GLB1L2: variants seen among roughly 807,000 people sequenced by gnomAD.
GLB1L2 encodes the protein beta-galactosidase-1-like protein 2.
GLB1L2 carries 68 observed loss-of-function variants against 84.1 expected under a neutral mutation model. The ratio of observed to expected loss-of-function variants is 0.81; its 90% CI spans 0.67 to 0.99. GLB1L2 has a LOEUF of 0.99. Ranked by LOEUF, GLB1L2 falls within the 50% of genes least tolerant of loss-of-function variation. The pLI is 0.00. For synonymous variants in GLB1L2, 290 were observed against 318.0 expected (o/e 0.91, Z 0.94); for missense variants, 762 against 805.6 (o/e 0.95, Z 0.66).
At chr11:134,373,905 C>T in intron 16 of GLB1L2, 97 bp downstream of exon 16, 1 of 915,388 alleles carries the variant, frequency 1.1e-6, no homozygotes, top group Non-Finnish European at 1.7e-6. Context: ...GGCCCGCACC[C>T]AGGTGTGAAC....
At chr11:134,361,167 AC>A (rs1682218350) in intron 7 of GLB1L2, 1 of 151,718 alleles carries the variant, frequency 6.6e-6, no homozygotes, top group African/African-American at 2.4e-5. Flanking sequence ...AAAACAAAAA[AC>A]AAAAAACATT....
chr11:134,340,342 T>C (rs1432965140), intron 1 of GLB1L2, among the ~76,000 whole-genome samples: 1 of 152,142 alleles, frequency 6.6e-6, no homozygotes, highest in African/African-American at 2.4e-5. Context: ...AAAATGCCCC[T>C]GTTTTTAAGA....
rs200368427 is a variant in GLB1L2, at chr11:134,347,329, C to T, written c.454C>T (p.Leu152=). Residue 152 remains leucine, a synonymous_variant, in exon 5 of 19, where the codon CTA becomes TTA. Coordinates refer to ENST00000535456, the MANE Select transcript of GLB1L2 (RefSeq NM_001370461.1). ...EMDLGGLPSW[L]LQDPGMRLRT... ...TTCCCCCGTTTACACTTCAAGCTGG[C>T]TACTCCAAGACCCTGGCATGAGGCT... The T allele has an allele frequency of 3.3e-5, 54 of 1,613,014 alleles. No individual in the cohort carries two copies. Among genetic ancestry groups the T allele is most frequent in the South Asian group, 2.3e-4 (21 of 91,038 alleles).
rs539605151 is a variant in GLB1L2, at chr11:134,368,658, G to A, written c.904G>A (p.Val302Met). 3.0e-5 allele frequency: 49 copies of A among 1,613,804 alleles called. No individual in the cohort carries two copies. The highest frequency in any genetic ancestry group is 1.8e-4 in the Admixed American group (11 of 60,016). Residue 302 changes from valine to methionine, a missense_variant, in exon 10 of 19, where the codon GTG becomes ATG. Val to Met is a conservative substitution (Grantham distance 21). Transcript: ENST00000535456. The stretch of plus-strand genomic sequence containing the variant: ...TCCTCCGGCAGAGGTTTTGAAAACC[G>A]TGTCTGCCATTGTGGACGCCGGCTC... ...ILDSSEVLKT[V>M]SAIVDAGSSI...
Position 134,374,164 on chromosome 11 carries a change from A to C in GLB1L2, c.1615A>C (p.Ser539Arg), listed in dbSNP as rs1436359845. Residue 539 changes from serine to arginine, a missense_variant, in exon 17 of 19, where the codon AGT becomes CGT. Ser to Arg is a moderately radical substitution (Grantham distance 110). Transcript: ENST00000535456. Reference sequence around the variant, plus strand: ...CCTTAGGTTCGGCCTGGACAAATGGAGTTCCCTCCCAGAAACACCCACATT... The same window carrying C: ...CCTTAGGTTCGGCCTGGACAAATGGCGTTCCCTCCCAGAAACACCCACATT... ...FFQRFGLDKW[S>R]SLPETPTLPA... The C allele has an allele frequency of 2.4e-5, 39 of 1,613,610 alleles. No homozygotes were observed. Among genetic ancestry groups the C allele is most frequent in the Non-Finnish European group, 3.2e-5 (38 of 1,179,642 alleles).
chr11:134,343,114 C>T (rs1395960988), intron 2 of GLB1L2, among the ~76,000 whole-genome samples, 163 bp downstream of exon 2: 1 of 152,166 alleles, frequency 6.6e-6, no homozygotes, highest in East Asian at 1.9e-4. Flanking sequence ...CTCATGGGCG[C>T]CAAGGGACAT....
Position 134,374,842 on chromosome 11 carries a change from G to A in GLB1L2, c.1824+124G>A, listed in dbSNP as rs542418326. 367 of 1,156,082 alleles carry A rather than the reference G, an allele frequency of 3.2e-4. 4 individuals carry two copies. The South Asian group carries it at 4.5e-3, about 14-fold the overall frequency. 71.6% of individuals were successfully genotyped at this position (1,156,082 alleles called of 1,614,324 possible). A position where few individuals can be genotyped will look rare whatever the true frequency, so the allele number is the denominator to read the frequency against. ...TTCCTCCCTCCTCCTCGCTGCAGAC[G>A]AGTTGTTGGTCCCTGTCCCTTCCAG... is the stretch of plus-strand genomic sequence containing the variant. On this transcript the variant is annotated intron_variant, in intron 18 of 18. Transcript: ENST00000535456.
rs1943936225 is a variant in GLB1L2 at position 134,370,471 on chromosome 11, G to A, written c.1215+72G>A. 1 of 1,214,438 alleles carries A rather than the reference G, an allele frequency of 8.2e-7. No individual in the cohort carries two copies. Among genetic ancestry groups the A allele is most frequent in the Non-Finnish European group, 1.2e-6 (1 of 827,422 alleles). 75.2% of individuals were successfully genotyped at this position (1,214,438 alleles called of 1,614,324 possible). A position where few individuals can be genotyped will look rare whatever the true frequency, so the allele number is the denominator to read the frequency against. ...AGTCGTTGGCAGGGAGGTGAGTGCT[G>A]GGGGCAGTCGTCGGCGGGAGGTGAG... On this transcript the variant is annotated intron_variant, in intron 12 of 18. Coordinates refer to ENST00000535456, the MANE Select transcript of GLB1L2 (RefSeq NM_001370461.1). This position sits in a 1 kb window ranked among gnomAD's most constrained non-coding sequence, Gnocchi z 4.7.
chr11:134,332,001 C>G lies in GLB1L2; in HGVS notation c.-61C>G. ...GCTCCGCCCCCCGCGGCGAGGCTCC[C>G]GCGCGCGGCTGAGTGCGGACTGGAG... On this transcript the variant is annotated 5_prime_UTR_variant, in exon 1 of 19. Coordinates refer to ENST00000535456, the MANE Select transcript of GLB1L2 (RefSeq NM_001370461.1). The G allele has an allele frequency of 1.6e-6, 2 of 1,219,276 alleles. No homozygotes were observed. The highest frequency in any genetic ancestry group is 2.3e-6 in the Non-Finnish European group (2 of 882,690). 75.5% of individuals were successfully genotyped at this position (1,219,276 alleles called of 1,614,324 possible).
rs73030640 is a variant in GLB1L2 at position 134,367,703 on chromosome 11, A to G, written c.889+362A>G. ...TATCTCTGCCGACAGCTCTATACGC[A>G]CACACAGATAGAGACAGATGCCATC... On this transcript the variant is annotated intron_variant, in intron 9 of 18. Coordinates refer to ENST00000535456, the MANE Select transcript of GLB1L2 (RefSeq NM_001370461.1). Among the ~76,000 whole-genome samples, 204 of 152,310 alleles carry G rather than the reference A, an allele frequency of 1.3e-3. 1 individual carries two copies. The highest frequency in any genetic ancestry group is 2.3e-3 in the Non-Finnish European group (159 of 68,024).
At chr11:134,351,582 T>C (rs1307014243) in intron 5 of GLB1L2, among the ~76,000 whole-genome samples, 1 of 152,126 alleles carries the variant, frequency 6.6e-6, no homozygotes, top group African/African-American at 2.4e-5. Context: ...TGACCTCAGG[T>C]GATCCACCTG....
intron 5 of GLB1L2, among the ~76,000 whole-genome samples, chr11:134,350,297 A>G (rs760588157): frequency 2.0e-5 from 3 of 152,198 alleles, no homozygotes; most frequent in Non-Finnish European, 2.9e-5. Context: ...TCAAGTTCCA[A>G]TCACTAGGGT....
chr11:134,364,286 G>T (rs1251755258), intron 7 of GLB1L2, 42 bp from the exon 8 acceptor site: 1 of 1,541,744 alleles, frequency 6.5e-7, no homozygotes, highest in Non-Finnish European at 8.9e-7. Flanking sequence ...CCCTGGCTTT[G>T]AGACAGTGCT....
chr11:134,345,766 G>A lies in GLB1L2; in HGVS notation c.449+637G>A, dbSNP rs375560143. Among the ~76,000 whole-genome samples the A allele has an allele frequency of 8.7e-4, 132 of 152,312 alleles. 1 individual carries two copies. The highest frequency in any genetic ancestry group is 3.0e-3 in the African/African-American group (123 of 41,568). On this transcript the variant is annotated intron_variant, in intron 4 of 18. Transcript: ENST00000535456. ...TTACAGGCATGAGCCACCGCGCCCG[G>A]CCTTCCCTATCTCTTTCTTAGGAAT...
At chr11:134,371,542 G>A (rs1331989826) in intron 14 of GLB1L2, 50 bp downstream of exon 14, 1 of 1,176,474 alleles carries the variant, frequency 8.5e-7, no homozygotes, top group Admixed American at 1.7e-5. Flanking sequence ...CTGCTTCGAG[G>A]AAGTCTGGGG....
At chr11:134,357,951 TAA>T (rs1943727053) in intron 6 of GLB1L2, among the ~76,000 whole-genome samples, 1 of 152,204 alleles carries the variant, frequency 6.6e-6, no homozygotes, top group African/African-American at 2.4e-5. Flanking sequence ...AAATGCTTGC[TAA>T]ATATCAGTGA....
In GLB1L2 at chr11:134,345,144, G is replaced by A; in HGVS notation, c.449+15G>A. 1 of 1,444,560 alleles carries A rather than the reference G, an allele frequency of 6.9e-7. No individual in the cohort carries two copies. The highest frequency in any genetic ancestry group is 9.5e-7 in the Non-Finnish European group (1 of 1,048,862). The allele number at this position is 1,444,560 out of a possible 1,614,324, so 89.5% of individuals were successfully genotyped here. On this transcript the variant is annotated intron_variant, in intron 4 of 18. Transcript: ENST00000535456. The stretch of plus-strand genomic sequence containing the variant: ...GGCTTGCCCAGGTAAGCGGGGTTGT[G>A]AAGGGTCCTGTGTGCTGTGGCAAAA...
rs906074819 is a variant in GLB1L2 at position 134,367,316 on chromosome 11, C to T, written c.864C>T (p.Gly288=). 1.2e-6 allele frequency: 2 copies of T among 1,613,856 alleles called. No homozygotes were observed. The highest frequency in any genetic ancestry group is 1.1e-5 in the South Asian group (1 of 91,070). The change falls in exon 9 of 19, where the codon GGC becomes GGT. Residue 288 remains glycine, a synonymous_variant. Transcript: ENST00000535456. The part of the protein sequence containing the change: ...YWTGWFDSWG[G]PHNILDSSEV... The stretch of plus-strand genomic sequence containing the variant: ...CGGGGTGGTTTGACTCGTGGGGAGG[C>T]CCTCACAATATCTTGGATTCTTCTG...
At chr11:134,354,535 GT>G (rs1013913334) in intron 5 of GLB1L2, among the ~76,000 whole-genome samples, 2 of 151,376 alleles carry the variant, frequency 1.3e-5, no homozygotes, top group African/African-American at 2.4e-5. Flanking sequence ...AACTTTAGGT[GT>G]TTTTTTTCTA....
Sources: allele counts gnomAD v4.1 joint callset (sites outside exome capture counted in the v4.1 genomes callset), GRCh38; gene constraint gnomAD v4.1.1; non-coding constraint Gnocchi (gnomAD v3.1); transcripts MANE v1.5; gene names NCBI Gene and HGNC (gene_info 2026-07-23, HGNC 2026-07-21).